The following CDC42BPB variants were observed in gnomAD, a reference collection of about 807,000 sequenced individuals.
The protein encoded by CDC42BPB is CDC42 binding protein kinase beta, also known as serine/threonine-protein kinase MRCK beta.
CDC42BPB carries 37 observed loss-of-function variants against 214.9 expected under a neutral mutation model. The observed-to-expected ratio is 0.17, with a 90% CI of 0.13 to 0.23. CDC42BPB has a LOEUF of 0.23. Among genes scored for constraint, CDC42BPB ranks in the 10% least tolerant of loss-of-function variants. The pLI is 1.00. For synonymous variants in CDC42BPB, 931 were observed against 884.0 expected (o/e 1.05, Z -0.94); for missense variants, 1,694 against 2,227.0 (o/e 0.76, Z 4.82).
chr14:102,940,595 T>C (rs1891847983), intron 30 of CDC42BPB: 2 of 844,828 alleles, frequency 2.4e-6, no homozygotes, highest in Non-Finnish European at 3.4e-6. Flanking sequence ...AGGTGACTTT[T>C]AAAAAGTCTG....
At chr14:103,028,045 GC>G (rs1340290642) in intron 1 of CDC42BPB, among the ~76,000 whole-genome samples, 1 of 152,178 alleles carries the variant, frequency 6.6e-6, no homozygotes, top group African/African-American at 2.4e-5. Flanking sequence ...CAGGAGAATT[GC>G]TTGAACCTGG....
Position 102,958,732 on chromosome 14 carries a change from T to C in CDC42BPB, c.2901+899A>G, listed in dbSNP as rs190751271. Among the ~76,000 whole-genome samples, 183 of 152,278 alleles carry C rather than the reference T, an allele frequency of 1.2e-3. 1 individual carries two copies. Among genetic ancestry groups the C allele is most frequent in the Middle Eastern group, 3.4e-3 (1 of 294 alleles). Reference sequence around the variant, plus strand: ...CTTGTGAGGGTCTCGGCAAGGCACCTGGTGCCAGACTGTTCCCATCAACCA... The same window carrying C: ...CTTGTGAGGGTCTCGGCAAGGCACCCGGTGCCAGACTGTTCCCATCAACCA... On this transcript the variant is annotated intron_variant, in intron 21 of 36. Coordinates refer to ENST00000361246, the MANE Select transcript of CDC42BPB (RefSeq NM_006035.4).
intron 5 of CDC42BPB, among the ~76,000 whole-genome samples, chr14:102,990,321 A>G (rs1480944468): frequency 6.6e-6 from 1 of 152,220 alleles, no homozygotes; most frequent in Admixed American, 6.5e-5. Context: ...TGAGGGGTGC[A>G]GTCCCAATGA....
intron 1 of CDC42BPB, among the ~76,000 whole-genome samples, chr14:103,047,890 A>C (rs1258928138): frequency 1.6e-5 from 2 of 121,708 alleles, no homozygotes; most frequent in Non-Finnish European, 3.4e-5. Context: ...GCAACAGAGC[A>C]AGACTCTGTG....
intron 5 of CDC42BPB, among the ~76,000 whole-genome samples, chr14:102,987,411 AAGAC>A (rs1449718826): frequency 6.6e-6 from 1 of 152,200 alleles, no homozygotes; most frequent in Non-Finnish European, 1.5e-5. Flanking sequence ...TTTAAAAACA[AAGAC>A]AGACATTCAG....
At chr14:102,973,949 T>C in intron 12 of CDC42BPB, 67 bp downstream of exon 12, 2 of 1,525,874 alleles carry the variant, frequency 1.3e-6, no homozygotes, top group Non-Finnish European at 1.8e-6. Context: ...ATCATCGGCA[T>C]GAACGTGACC....
chr14:102,980,736 C>T (rs368502714), intron 8 of CDC42BPB, 37 bp downstream of exon 8: 6 of 1,607,936 alleles, frequency 3.7e-6, no homozygotes, highest in Admixed American at 1.7e-5. Context: ...GTCAGACCCA[C>T]AGCCAGCAAC....
At chr14:102,973,372 A>G (rs1053638150) in intron 12 of CDC42BPB, among the ~76,000 whole-genome samples, 5 of 152,262 alleles carry the variant, frequency 3.3e-5, no homozygotes, top group South Asian at 2.1e-4. Context: ...TGTATTTTAG[A>G]AAACACGCAT....
intron 30 of CDC42BPB, chr14:102,941,576 G>C: frequency 1.0e-6 from 1 of 985,324 alleles, no homozygotes; most frequent in Non-Finnish European, 1.2e-6. Flanking sequence ...GGGCTTCTGG[G>C]AAGGCCCTTG....
intron 2 of CDC42BPB, 109 bp from the exon 3 acceptor site, chr14:103,008,664 G>A: frequency 6.7e-7 from 1 of 1,489,060 alleles, no homozygotes; most frequent in Non-Finnish European, 8.9e-7. Flanking sequence ...TGTGAAACCA[G>A]CAGTGACCGA....
chr14:102,978,155 T>A lies in CDC42BPB; in HGVS notation c.1191A>T (p.Pro397=), dbSNP rs779024181. The A allele has an allele frequency of 6.2e-7, 1 of 1,613,790 alleles. No homozygotes were observed. Among genetic ancestry groups the A allele is most frequent in the Non-Finnish European group, 8.5e-7 (1 of 1,179,712 alleles). Residue 397 remains proline, a synonymous_variant, in exon 9 of 37, where the codon CCA becomes CCT. Coordinates refer to ENST00000361246, the MANE Select transcript of CDC42BPB (RefSeq NM_006035.4). ...CCGTTGTGAATGTAAAACCAATGAA[T>A]GGCAAATGTAATCCAGAAAAGCCTG... ...SHTGFSGLHL[P]FIGFTFTTES...
intron 3 of CDC42BPB, among the ~76,000 whole-genome samples, chr14:103,007,549 TGAG>T (rs1245621963): frequency 1.3e-5 from 2 of 152,016 alleles, no homozygotes; most frequent in African/African-American, 4.8e-5. Flanking sequence ...CTTCCCAAAA[TGAG>T]GAGGTGGCCA....
At chr14:103,021,240 C>A (rs1886753687) in intron 1 of CDC42BPB, among the ~76,000 whole-genome samples, 1 of 152,182 alleles carries the variant, frequency 6.6e-6, no homozygotes, top group South Asian at 2.1e-4. Context: ...GCGAGTGGAT[C>A]ACGAGGTCAG....
chr14:102,946,619 C>T lies in CDC42BPB; in HGVS notation c.3597G>A (p.Glu1199=), dbSNP rs372805696. 6.2e-7 allele frequency: 1 copy of T among 1,612,824 alleles called. No homozygotes were observed. The highest frequency in any genetic ancestry group is 8.5e-7 in the Non-Finnish European group (1 of 1,179,968). The part of the protein sequence containing the change: ...TSSLLILTEN[E]NEKRKWVGIL... ...TCCCAACCCACTTCCTCTTTTCATT[C>T]TCATTTTCTGTCAGAATGAGCAGCG... The change falls in exon 28 of 37, where the codon GAG becomes GAA. Residue 1199 remains glutamate (E), a synonymous_variant. Transcript: ENST00000361246.
In CDC42BPB at chr14:103,005,081, T is replaced by C. The variant is rs1895174675; in HGVS notation, c.352-1058A>G. On this transcript the variant is annotated intron_variant, in intron 3 of 36. Transcript: ENST00000361246. ...TACTCGGGAGGCTGAGGCAGGAGAA[T>C]GGCATGAACCCAGGAGGCGGAGCTT... is the stretch of plus-strand genomic sequence containing the variant. 2.0e-5 allele frequency among the ~76,000 whole-genome samples: 3 copies of C among 149,456 alleles called. No individual in the cohort carries two copies. In the Admixed American group the frequency reaches 2.0e-4, roughly 10 times the overall value.
Position 102,949,778 on chromosome 14 carries a change from C to T in CDC42BPB, c.3436G>A (p.Val1146Ile). ...CCAAACGCAGACCTGAGATCCAAGA[C>T]TTGGCTCGCAATGACACCAGGCTGG... ...STQPGVIASQ[V>I]LDLRDDEFSV... The change falls in exon 26 of 37, where the codon GTC becomes ATC. Residue 1146 changes from valine (V) to isoleucine (I), a missense_variant. By Grantham distance (29) the Val-to-Ile change is conservative (BLOSUM62 3). Coordinates refer to ENST00000361246, the MANE Select transcript of CDC42BPB (RefSeq NM_006035.4). 6.2e-7 allele frequency: 1 copy of T among 1,613,412 alleles called. No individual in the cohort carries two copies. Among genetic ancestry groups the T allele is most frequent in the Non-Finnish European group, 8.5e-7 (1 of 1,180,006 alleles).
At chr14:103,038,269 C>A (rs8003285) in intron 1 of CDC42BPB, among the ~76,000 whole-genome samples, 1 of 146,596 alleles carries the variant, frequency 6.8e-6, no homozygotes, top group Non-Finnish European at 1.5e-5. Context: ...TGGGAGGAGG[C>A]GGAGCTTGCA....
At chr14:103,036,088 C>T (rs1887646690) in intron 1 of CDC42BPB, among the ~76,000 whole-genome samples, 1 of 151,652 alleles carries the variant, frequency 6.6e-6, no homozygotes, top group African/African-American at 2.4e-5. Flanking sequence ...GAGGTCAAGG[C>T]TGCAGTGAGC....
At chr14:103,019,440 C>A (rs1191014191) in intron 1 of CDC42BPB, among the ~76,000 whole-genome samples, 1 of 152,204 alleles carries the variant, frequency 6.6e-6, no homozygotes, top group Non-Finnish European at 1.5e-5. Context: ...GAGCCCGTAG[C>A]CCTCACCCAG....
Sources: allele counts gnomAD v4.1 joint callset (sites outside exome capture counted in the v4.1 genomes callset), GRCh38; gene constraint gnomAD v4.1.1; transcripts MANE v1.5; gene names NCBI Gene and HGNC (gene_info 2026-07-23, HGNC 2026-07-21).